SLC9A9: variants seen among roughly 807,000 people sequenced by gnomAD.
SLC9A9 encodes the protein sodium/hydrogen exchanger 9.
Under a neutral mutation model 77.8 loss-of-function variants are expected in SLC9A9, and 62 were observed. That is an observed-to-expected ratio of 0.80 (90% CI 0.65 to 0.98). The LOEUF is 0.98. SLC9A9 is among the 50% of genes least tolerant of loss of function. The pLI, the probability that SLC9A9 is intolerant of heterozygous loss-of-function variation, is 0.00. For missense variants in SLC9A9, 775 were observed against 774.9 expected, an observed-to-expected ratio of 1.00 and a Z score of 0.00; for synonymous variants, 320 against 283.5, an observed-to-expected ratio of 1.13 and a Z score of -1.29.
chr3:143,382,275 C>G, intron 12 of SLC9A9, 161 bp from the exon 13 acceptor site: 1 of 755,518 alleles, frequency 1.3e-6, no homozygotes, highest in Admixed American at 2.1e-5. Flanking sequence ...CAGATTTATA[C>G]CAAAATAAGA....
intron 12 of SLC9A9, among the ~76,000 whole-genome samples, chr3:143,455,678 A>C (rs148574134): frequency 1.3e-3 from 205 of 152,200 alleles, no homozygotes; most frequent in African/African-American, 4.8e-3. Context: ...AACTATTAGA[A>C]GTGGTATTGA....
At chr3:143,310,406 A>G (rs1311970306) in intron 14 of SLC9A9, among the ~76,000 whole-genome samples, 1 of 152,100 alleles carries the variant, frequency 6.6e-6, no homozygotes, top group East Asian at 1.9e-4. Flanking sequence ...GAAGAAAGTC[A>G]CGTAAATCTG....
At chr3:143,770,731 C>T (rs2007488085) in intron 4 of SLC9A9, among the ~76,000 whole-genome samples, 1 of 151,990 alleles carries the variant, frequency 6.6e-6, no homozygotes, top group African/African-American at 2.4e-5. Context: ...GAAAATATCA[C>T]TGAAAAAAAC....
At chr3:143,289,367 T>A (rs970642640) in intron 14 of SLC9A9, among the ~76,000 whole-genome samples, 1 of 152,220 alleles carries the variant, frequency 6.6e-6, no homozygotes, top group Admixed American at 6.5e-5. Flanking sequence ...ATTATTTTTT[T>A]AAATGTCCCT....
chr3:143,341,207 C>T (rs1435919372), intron 14 of SLC9A9, among the ~76,000 whole-genome samples: 2 of 152,050 alleles, frequency 1.3e-5, no homozygotes, highest in African/African-American at 4.8e-5. Flanking sequence ...TTTCACTGTT[C>T]ATGTGCTGTT....
At chr3:143,538,637 T>G (rs757430846) in intron 9 of SLC9A9, among the ~76,000 whole-genome samples, 3 of 152,202 alleles carry the variant, frequency 2.0e-5, no homozygotes, top group Non-Finnish European at 4.4e-5. Flanking sequence ...TCATTCCAAG[T>G]GCTAGCTCTG....
At chr3:143,551,806 C>G (rs1488407690) in intron 9 of SLC9A9, among the ~76,000 whole-genome samples, 1 of 152,164 alleles carries the variant, frequency 6.6e-6, no homozygotes, top group Non-Finnish European at 1.5e-5. Context: ...TCTTGTATTC[C>G]TAGTAGCTAG....
At chr3:143,657,135 C>T (rs1242062) in intron 5 of SLC9A9, among the ~76,000 whole-genome samples, 4,704 of 152,152 alleles carry the variant, frequency 0.031, 106 homozygotes, top group Middle Eastern at 0.088. Context: ...ATTGATTTTG[C>T]CAGTCAAGCT....
chr3:143,357,146 A>G (rs1245795498), intron 14 of SLC9A9, among the ~76,000 whole-genome samples: 1 of 152,040 alleles, frequency 6.6e-6, no homozygotes, highest in Non-Finnish European at 1.5e-5. Flanking sequence ...AAATATTTTG[A>G]AATTTTGTTG....
At chr3:143,503,373 C>T in intron 9 of SLC9A9, 1 of 311,968 alleles carries the variant, frequency 3.2e-6, no homozygotes, top group Non-Finnish European at 6.3e-6. Context: ...TCATTGAGAG[C>T]AATGCCAGTC....
Position 143,610,695 on chromosome 3 carries a change from A to G in SLC9A9, c.756-31972T>C, listed in dbSNP as rs1576609049. Among the ~76,000 whole-genome samples, 3 of 152,236 alleles carry G rather than the reference A, an allele frequency of 2.0e-5. No homozygotes were observed. In the South Asian group the frequency reaches 6.2e-4, roughly 32 times the overall value. ...GAAATCCATAGAACGAACTGTGAGA[A>G]CCCCAGACCCCTTTCCACACAGGGC... is the stretch of plus-strand genomic sequence containing the variant. On this transcript the variant is annotated intron_variant, in intron 6 of 15. Coordinates refer to ENST00000316549, the MANE Select transcript of SLC9A9 (RefSeq NM_173653.4).
intron 9 of SLC9A9, among the ~76,000 whole-genome samples, chr3:143,536,968 A>G (rs760565367): frequency 3.9e-5 from 6 of 152,050 alleles, no homozygotes; most frequent in Non-Finnish European, 8.8e-5. Context: ...CAATTGCATC[A>G]GAATCTCTGG....
intron 14 of SLC9A9, among the ~76,000 whole-genome samples, chr3:143,283,047 C>T (rs922054852): frequency 1.3e-5 from 2 of 152,198 alleles, no homozygotes; most frequent in Non-Finnish European, 2.9e-5. Flanking sequence ...AGACTGTGAG[C>T]TCCTTGAGGG....
chr3:143,303,685 G>A (rs958500033), intron 14 of SLC9A9, among the ~76,000 whole-genome samples: 1 of 152,184 alleles, frequency 6.6e-6, no homozygotes, highest in South Asian at 2.1e-4. Flanking sequence ...TAAGTGACCT[G>A]CTTCATGTGA....
chr3:143,768,320 A>C (rs1380207443), intron 4 of SLC9A9, among the ~76,000 whole-genome samples: 1 of 152,224 alleles, frequency 6.6e-6, no homozygotes, highest in African/African-American at 2.4e-5. Context: ...GCATTATTCT[A>C]AGAGTGTCAT....
chr3:143,503,402 G>T, intron 9 of SLC9A9: 1 of 314,816 alleles, frequency 3.2e-6, no homozygotes, highest in South Asian at 2.6e-5. Flanking sequence ...AAAAGTGGAA[G>T]AATGAGTGTC....
intron 14 of SLC9A9, among the ~76,000 whole-genome samples, chr3:143,345,326 C>G (rs993120038): frequency 1.3e-5 from 2 of 151,988 alleles, no homozygotes; most frequent in Admixed American, 1.3e-4. Context: ...AAAGATGAAC[C>G]TGAAAATGGC....
intron 4 of SLC9A9, among the ~76,000 whole-genome samples, chr3:143,777,712 G>A (rs1206187121): frequency 2.6e-5 from 3 of 114,428 alleles, no homozygotes; most frequent in Non-Finnish European, 1.7e-5. Context: ...TATTGTCACT[G>A]ATACTTTTTT....
intron 12 of SLC9A9, among the ~76,000 whole-genome samples, chr3:143,396,573 C>T (rs916238400): frequency 8.6e-5 from 13 of 151,952 alleles, no homozygotes; most frequent in Non-Finnish European, 1.5e-4. Flanking sequence ...GTACATGTAC[C>T]CTAGACCTTA....
Sources: gnomAD v4.1 joint callset for allele counts (sites outside exome capture counted in the v4.1 genomes callset) on GRCh38, gnomAD v4.1.1 for gene constraint, MANE v1.5 for transcripts, NCBI Gene and HGNC (gene_info 2026-07-23, HGNC 2026-07-21) for gene names.